The following LZTS1 variants were observed in gnomAD, a reference collection of about 807,000 sequenced individuals.
LZTS1 encodes leucine zipper putative tumor suppressor 1.
Under a neutral mutation model 45.8 loss-of-function variants are expected in LZTS1, and 31 were observed. That is an observed-to-expected ratio of 0.68 (90% confidence interval 0.51 to 0.91). LZTS1 has a LOEUF of 0.91. Ranked by LOEUF, LZTS1 falls within the 40% of genes least tolerant of loss-of-function variation. LZTS1 has a pLI of 0.00. For synonymous variants in LZTS1, 359 were observed against 357.3 expected, an observed-to-expected ratio of 1.00 and a Z score of -0.05; for missense variants, 821 against 788.9, an observed-to-expected ratio of 1.04 and a Z score of -0.49.
chr8:20,301,281 C>A (rs1409784959), intron 1 of LZTS1, among the ~76,000 whole-genome samples: 3 of 152,158 alleles, frequency 2.0e-5, no homozygotes, highest in Non-Finnish European at 2.9e-5. Flanking sequence ...AAGCTGATCT[C>A]AAATCCCTGC....
At chr8:20,287,150 A>G (rs1176470612) in intron 1 of LZTS1, among the ~76,000 whole-genome samples, 2 of 140,056 alleles carry the variant, frequency 1.4e-5, no homozygotes, top group East Asian at 3.9e-4. Flanking sequence ...CCAATCAGGA[A>G]ACATGTCTCA....
intron 1 of LZTS1, among the ~76,000 whole-genome samples, chr8:20,298,924 A>G (rs1165537498): frequency 3.9e-5 from 6 of 152,198 alleles, no homozygotes; most frequent in African/African-American, 1.4e-4. Flanking sequence ...TGAAAACTGC[A>G]GCAAAACAGA....
At chr8:20,289,321 C>G (rs920574453) in intron 1 of LZTS1, 1 of 152,226 alleles carries the variant, frequency 6.6e-6, no homozygotes, top group Non-Finnish European at 1.5e-5. Context: ...ATGGATGTAA[C>G]AGGTTTGCCT....
intron 3 of LZTS1, 28 bp downstream of exon 3, chr8:20,252,754 C>G (rs746357892): frequency 6.7e-7 from 1 of 1,491,478 alleles, no homozygotes; most frequent in South Asian, 1.5e-5. Flanking sequence ...GCTGACCACC[C>G]AAACCCATGA....
At chr8:20,282,246 G>T (rs942404734) in intron 1 of LZTS1, among the ~76,000 whole-genome samples, 1 of 152,222 alleles carries the variant, frequency 6.6e-6, no homozygotes, top group Non-Finnish European at 1.5e-5. Context: ...GTTTCAGAGA[G>T]GAAGAGGTGG....
intron 1 of LZTS1, among the ~76,000 whole-genome samples, chr8:20,299,793 C>G (rs1222585587): frequency 6.6e-6 from 1 of 152,204 alleles, no homozygotes; most frequent in African/African-American, 2.4e-5. Flanking sequence ...CTCTCAACTG[C>G]AAGCCTAGGA....
At chr8:20,273,071 C>A (rs564561114) in intron 1 of LZTS1, among the ~76,000 whole-genome samples, 1 of 152,176 alleles carries the variant, frequency 6.6e-6, no homozygotes, top group African/African-American at 2.4e-5. Flanking sequence ...TCTGTCCCCA[C>A]CAATCCACTA....
Position 20,285,413 on chromosome 8 carries a change from T to C in LZTS1, c.-135+18327A>G, listed in dbSNP as rs181605433. 5.3e-5 allele frequency among the ~76,000 whole-genome samples: 8 copies of C among 152,262 alleles called. No homozygotes were observed. In the East Asian group the frequency reaches 1.5e-3, roughly 29 times the overall value. ...ATTTACTTCTCACAATAAATTAATATACAAAAACCAACTGAACTTCCATAT... is the reference window on the plus strand; with the variant it reads ...ATTTACTTCTCACAATAAATTAATACACAAAAACCAACTGAACTTCCATAT... On this transcript the variant is annotated intron_variant, in intron 1 of 3. Transcript: ENST00000381569.
intron 1 of LZTS1, among the ~76,000 whole-genome samples, chr8:20,256,596 G>A (rs1800108912): frequency 6.6e-6 from 1 of 152,168 alleles, no homozygotes; most frequent in Non-Finnish European, 1.5e-5. Context: ...ACCAGCCTGG[G>A]CAACACAGTG....
rs1180090368 is a variant in LZTS1 at position 20,249,717 on chromosome 8, G to GC, written c.*4dup. Reference sequence around the variant, plus strand: ...GTCCCCAGACTCGCCTTCCCAGGCAGCCCCTCAGATCTCAGTGGCTATGAT... The same window carrying GC: ...GTCCCCAGACTCGCCTTCCCAGGCAGCCCCCTCAGATCTCAGTGGCTATGAT... On this transcript the variant is annotated 3_prime_UTR_variant, in exon 4 of 4. Transcript: ENST00000381569. 5 of 1,592,044 alleles carry GC rather than the reference G, an allele frequency of 3.1e-6. No homozygotes were observed. Among genetic ancestry groups the GC allele is most frequent in the Non-Finnish European group, 4.3e-6 (5 of 1,170,312 alleles).
chr8:20,256,142 T>A (rs1800095778), intron 1 of LZTS1, among the ~76,000 whole-genome samples: 1 of 135,614 alleles, frequency 7.4e-6, no homozygotes, highest in African/African-American at 2.8e-5. Flanking sequence ...GGGAGAGGGG[T>A]ACCAGAAGAA....
chr8:20,276,763 G>A (rs1345366363), intron 1 of LZTS1, among the ~76,000 whole-genome samples: 1 of 152,228 alleles, frequency 6.6e-6, no homozygotes, highest in African/African-American at 2.4e-5. Flanking sequence ...TAAATGAACT[G>A]AATGAGAGAA....
In LZTS1 at chr8:20,249,763, C is replaced by T. The variant is rs200300407; in HGVS notation, c.1750G>A (p.Ala584Thr). The part of the protein sequence containing the change: ...GEPLEVDLEG[A>T]DIPYEDIIAT... Reference sequence around the variant, plus strand: ...ATGATGTCCTCGTAGGGGATGTCAGCCCCTTCCAGGTCAACCTCCAAGGGC... The same window carrying T: ...ATGATGTCCTCGTAGGGGATGTCAGTCCCTTCCAGGTCAACCTCCAAGGGC... The change falls in exon 4 of 4, where the codon GCT (alanine) becomes ACT (threonine). Residue 584 changes from alanine (A) to threonine (T), a missense_variant. Transcript: ENST00000381569. 4.4e-5 allele frequency: 71 copies of T among 1,612,494 alleles called. No homozygotes were observed. In the Admixed American group the frequency reaches 1.1e-3, roughly 24 times the overall value.
At chr8:20,272,593 C>T (rs2128896131) in intron 1 of LZTS1, among the ~76,000 whole-genome samples, 1 of 152,312 alleles carries the variant, frequency 6.6e-6, no homozygotes, top group East Asian at 1.9e-4. Flanking sequence ...TCTTATCAGT[C>T]CTTTGCCACT....
intron 1 of LZTS1, among the ~76,000 whole-genome samples, chr8:20,274,806 G>A (rs80324169): frequency 0.046 from 6,990 of 152,262 alleles, 538 homozygotes; most frequent in African/African-American, 0.16. Flanking sequence ...CGTAAAGCGG[G>A]ATGCATTGGT....
intron 1 of LZTS1, among the ~76,000 whole-genome samples, chr8:20,289,513 A>G (rs1347842470): frequency 6.6e-6 from 1 of 152,168 alleles, no homozygotes; most frequent in Non-Finnish European, 1.5e-5. Flanking sequence ...CCCCTGCCAG[A>G]AGATCCCCAC....
chr8:20,301,646 C>T (rs1055706469), intron 1 of LZTS1, among the ~76,000 whole-genome samples: 4 of 152,098 alleles, frequency 2.6e-5, no homozygotes, highest in African/African-American at 9.7e-5. Flanking sequence ...GTCTGGAGCC[C>T]ATGTATAGCT....
intron 1 of LZTS1, among the ~76,000 whole-genome samples, chr8:20,266,411 G>T (rs1198644486): frequency 6.6e-6 from 1 of 152,132 alleles, no homozygotes; most frequent in African/African-American, 2.4e-5. Flanking sequence ...CTGAGGCTCT[G>T]GGAAGGCATG....
intron 1 of LZTS1, among the ~76,000 whole-genome samples, chr8:20,284,779 C>A (rs1800757684): frequency 6.6e-6 from 1 of 152,054 alleles, no homozygotes; most frequent in Non-Finnish European, 1.5e-5. Flanking sequence ...GCCTCCAACC[C>A]ATTCTACACA....
Sources: allele counts gnomAD v4.1 joint callset (sites outside exome capture counted in the v4.1 genomes callset), GRCh38; gene constraint gnomAD v4.1.1; transcripts MANE v1.5; gene names NCBI Gene and HGNC (gene_info 2026-07-23, HGNC 2026-07-21).